PTPRC: variants seen among roughly 807,000 people sequenced by gnomAD.
PTPRC encodes receptor-type tyrosine-protein phosphatase C.
Under a neutral mutation model 155.9 loss-of-function variants are expected in PTPRC, and 44 were observed. The ratio of observed to expected loss-of-function variants is 0.28; its 90% confidence interval spans 0.22 to 0.36. The LOEUF is 0.36. Ranked by LOEUF, PTPRC falls within the 10% of genes least tolerant of loss-of-function variation. The pLI is 1.00. For synonymous variants in PTPRC, 525 were observed against 533.1 expected, an observed-to-expected ratio of 0.98 and a Z score of 0.21; for missense variants, 1,401 against 1,564.6, an observed-to-expected ratio of 0.90 and a Z score of 1.76.
At chr1:198,749,229 T>C (rs1251670002) in intron 27 of PTPRC, among the ~76,000 whole-genome samples, 187 bp from the exon 28 acceptor site, 2 of 151,822 alleles carry the variant, frequency 1.3e-5, no homozygotes, top group Non-Finnish European at 2.9e-5. Flanking sequence ...TCCTTTTTCT[T>C]AGACTTTTGT....
intron 2 of PTPRC, among the ~76,000 whole-genome samples, chr1:198,645,519 G>A (rs1039565777): frequency 2.0e-5 from 3 of 151,658 alleles, no homozygotes; most frequent in Non-Finnish European, 4.4e-5. Context: ...TTTCACCCTT[G>A]AGACCCAATT....
chr1:198,648,915 GA>G (rs1237839574), intron 2 of PTPRC, among the ~76,000 whole-genome samples: 1 of 151,668 alleles, frequency 6.6e-6, no homozygotes. Context: ...AAAGTATCTA[GA>G]TTTTTTTTTG....
Position 198,742,505 on chromosome 1 carries a change from C to CAT in PTPRC, c.2697+138_2697+139insAT, listed in dbSNP as rs953167782. 52 of 1,100,192 alleles carry CAT rather than the reference C, an allele frequency of 4.7e-5. No individual in the cohort carries two copies. The African/African-American group carries it at 7.7e-4, about 16-fold the overall frequency. 68.2% of individuals were successfully genotyped at this position (1,100,192 alleles called of 1,614,324 possible). On this transcript the variant is annotated intron_variant, in intron 25 of 32. Transcript: ENST00000442510. The stretch of plus-strand genomic sequence containing the variant: ...GTAGATGATTTCCTGAAAACTAAAA[C>CAT]GTGGTAATCACCAGAAATACTTAGA...
intron 26 of PTPRC, among the ~76,000 whole-genome samples, chr1:198,747,149 C>T (rs112369047): frequency 9.5e-4 from 144 of 151,228 alleles, no homozygotes; most frequent in African/African-American, 3.4e-3. Flanking sequence ...AGTGGAAAGA[C>T]TGTAGGCAGG....
intron 32 of PTPRC, among the ~76,000 whole-genome samples, chr1:198,755,028 G>A (rs940690892): frequency 2.6e-5 from 4 of 152,084 alleles, no homozygotes; most frequent in Non-Finnish European, 5.9e-5. Flanking sequence ...GTTCCACAAG[G>A]GAAAGAAGAC....
intron 17 of PTPRC, 89 bp from the exon 18 acceptor site, chr1:198,731,528 G>C: frequency 1.1e-6 from 1 of 939,464 alleles, no homozygotes; most frequent in Non-Finnish European, 1.7e-6. Flanking sequence ...GAAGCTAAAG[G>C]ATTGAGTACA....
At position 198,697,018 on chromosome 1, in the gene PTPRC, T is replaced by G. The variant is rs938758929; in HGVS notation, c.298+109T>G. The G allele has an allele frequency of 3.7e-6, 4 of 1,073,420 alleles. No individual in the cohort carries two copies. In the African/African-American group the frequency reaches 6.2e-5, roughly 17 times the overall value. 66.5% of individuals were successfully genotyped at this position (1,073,420 alleles called of 1,614,324 possible). ...ATTATTTGCACAGTTTCTAAGTATG[T>G]GATTTTATTCAAGTGCAGAAATTGC... On this transcript the variant is annotated intron_variant, in intron 4 of 32. Transcript: ENST00000442510.
At chr1:198,718,411 G>C in intron 14 of PTPRC, 109 bp downstream of exon 14, 2 of 938,112 alleles carry the variant, frequency 2.1e-6, no homozygotes, top group Admixed American at 2.0e-5. Context: ...GAGAAGCTCT[G>C]ATGTGTAATG....
intron 12 of PTPRC, among the ~76,000 whole-genome samples, chr1:198,715,472 T>C (rs1653541236): frequency 1.3e-5 from 2 of 152,062 alleles, no homozygotes; most frequent in South Asian, 2.1e-4. Context: ...AACTTAATGA[T>C]GGCAAGTGAC....
At chr1:198,718,669 A>G (rs1026052001) in intron 14 of PTPRC, among the ~76,000 whole-genome samples, 7 of 152,152 alleles carry the variant, frequency 4.6e-5, no homozygotes, top group African/African-American at 1.7e-4. Context: ...TTCAATTGCA[A>G]AATTTCACAG....
intron 11 of PTPRC, among the ~76,000 whole-genome samples, chr1:198,711,289 A>G (rs891304246): frequency 3.9e-5 from 6 of 152,234 alleles, no homozygotes; most frequent in Non-Finnish European, 7.3e-5. Context: ...ATGTATTTTT[A>G]TTAGTACCAC....
rs1553246595 is a variant in PTPRC, at chr1:198,756,311, A to ATATT, written c.*132_*135dup. On this transcript the variant is annotated 3_prime_UTR_variant, in exon 33 of 33. Transcript: ENST00000442510. ...GCGAACCAATATTTGTAGAAGGGTT[A>ATATT]TATTTTACTACTGTGGAAAAATATT... 7.6e-6 allele frequency: 9 copies of ATATT among 1,179,850 alleles called. No individual in the cohort carries two copies. The highest frequency in any genetic ancestry group is 2.5e-5 in the East Asian group (1 of 39,248). The allele number at this position is 1,179,850 out of a possible 1,614,324, so 73.1% of individuals were successfully genotyped here.
At chr1:198,678,965 A>G (rs1370037197) in intron 2 of PTPRC, among the ~76,000 whole-genome samples, 1 of 152,244 alleles carries the variant, frequency 6.6e-6, no homozygotes, top group Non-Finnish European at 1.5e-5. Context: ...GTGAGTGACT[A>G]GAATTATAAA....
chr1:198,702,183 T>C (rs1168710341), intron 5 of PTPRC, among the ~76,000 whole-genome samples: 1 of 152,234 alleles, frequency 6.6e-6, no homozygotes, highest in African/African-American at 2.4e-5. Context: ...AGGTTTCCAG[T>C]TGTCTGCCCC....
At chr1:198,754,444 T>G in intron 32 of PTPRC, 40 bp downstream of exon 32, 1 of 1,607,588 alleles carries the variant, frequency 6.2e-7, no homozygotes, top group Non-Finnish European at 8.5e-7. Context: ...TGCTCGGAAT[T>G]TTTTTTTTCT....
intron 23 of PTPRC, among the ~76,000 whole-genome samples, chr1:198,738,977 C>T (rs1216817495): frequency 1.3e-5 from 2 of 151,750 alleles, no homozygotes; most frequent in South Asian, 2.1e-4. Context: ...TTATATTACA[C>T]TTTGCTTGTT....
At chr1:198,726,929 C>T (rs1654165352) in intron 15 of PTPRC, among the ~76,000 whole-genome samples, 1 of 147,078 alleles carries the variant, frequency 6.8e-6, no homozygotes, top group African/African-American at 2.5e-5. Flanking sequence ...GTGGTGCAAT[C>T]TTGGCTCACT....
chr1:198,711,167 G>T (rs1653291477), intron 11 of PTPRC, among the ~76,000 whole-genome samples: 2 of 152,166 alleles, frequency 1.3e-5, no homozygotes, highest in South Asian at 2.1e-4. Flanking sequence ...GAAGGCTAAA[G>T]AGGCTGCCTA....
intron 2 of PTPRC, among the ~76,000 whole-genome samples, chr1:198,655,272 A>G (rs992791081): frequency 1.3e-5 from 2 of 152,006 alleles, no homozygotes; most frequent in Non-Finnish European, 2.9e-5. Context: ...GAGAAAAGGA[A>G]TTTGGAAACT....
Sources: allele counts gnomAD v4.1 joint callset (sites outside exome capture counted in the v4.1 genomes callset), GRCh38; gene constraint gnomAD v4.1.1; transcripts MANE v1.5; gene names NCBI Gene and HGNC (gene_info 2026-07-23, HGNC 2026-07-21).